The following ICA1 variants were observed in gnomAD, a reference collection of about 807,000 sequenced individuals.
The protein encoded by ICA1 is islet cell autoantigen 1.
In ICA1, 40 loss-of-function variants were observed where a neutral mutation model predicts 71.0. The observed-to-expected ratio is 0.56, with a 90% confidence interval of 0.44 to 0.73. The LOEUF (loss-of-function observed/expected upper bound fraction) is 0.73. Ranked by LOEUF, ICA1 falls within the 30% of genes least tolerant of loss-of-function variation. The pLI is 0.00. For missense variants in ICA1, 578 were observed against 576.5 expected, an observed-to-expected ratio of 1.00 and a Z score of -0.03; for synonymous variants, 207 against 209.5, an observed-to-expected ratio of 0.99 and a Z score of 0.10.
At chr7:8,233,639 G>T (rs532520559) in intron 2 of ICA1, among the ~76,000 whole-genome samples, 1 of 151,900 alleles carries the variant, frequency 6.6e-6, no homozygotes, top group Non-Finnish European at 1.5e-5. Context: ...CAGATGATCC[G>T]CCCTCCTCAG....
intron 6 of ICA1, among the ~76,000 whole-genome samples, chr7:8,168,335 G>C (rs1806929685): frequency 6.6e-6 from 1 of 152,026 alleles, no homozygotes; most frequent in African/African-American, 2.4e-5. Flanking sequence ...CCATTTATCA[G>C]ATACCACCTA....
At chr7:8,133,552 A>G (rs992843712) in intron 12 of ICA1, among the ~76,000 whole-genome samples, 1 of 152,230 alleles carries the variant, frequency 6.6e-6, no homozygotes, top group African/African-American at 2.4e-5. Flanking sequence ...CTTATAAATT[A>G]TCCAGGTGCC....
rs752291214 is a variant in ICA1 at position 8,158,569 on chromosome 7, C to T, written c.663G>A (p.Ala221=). The change falls in exon 7 of 14, where the codon GCG becomes GCA. Residue 221 remains alanine (A), a synonymous_variant. Transcript: ENST00000402384. Reference sequence around the variant, plus strand: ...TGTGAGACAAGAGATTGCATCTGCTCGCTCCAAGAAGATCCACTTTTTGAC... The same window carrying T: ...TGTGAGACAAGAGATTGCATCTGCTTGCTCCAAGAAGATCCACTTTTTGAC... ...DVCQKVDLLG[A]SRCNLLSHML... 9.3e-6 allele frequency: 15 copies of T among 1,614,052 alleles called. No homozygotes were observed. Among genetic ancestry groups the T allele is most frequent in the African/African-American group, 5.3e-5 (4 of 75,030 alleles).
At chr7:8,193,463 C>T (rs1272206883) in intron 6 of ICA1, among the ~76,000 whole-genome samples, 1 of 152,202 alleles carries the variant, frequency 6.6e-6, no homozygotes, top group Non-Finnish European at 1.5e-5. Context: ...AGTTTCAGAA[C>T]TGCTAACCTA....
At chr7:8,138,070 C>T in intron 12 of ICA1, among the ~76,000 whole-genome samples, 1 of 152,192 alleles carries the variant, frequency 6.6e-6, no homozygotes, top group East Asian at 1.9e-4. Context: ...ACTCTTGGTA[C>T]ATCATTAAAA....
At chr7:8,143,297 G>C (rs780852904) in intron 9 of ICA1, among the ~76,000 whole-genome samples, 1 of 152,190 alleles carries the variant, frequency 6.6e-6, no homozygotes, top group Non-Finnish European at 1.5e-5. Flanking sequence ...CTTTGTAAAG[G>C]GGCATGAAAT....
Position 8,123,087 on chromosome 7 carries a change from G to A in ICA1, c.1330+4786C>T, listed in dbSNP as rs1233202181. Among the ~76,000 whole-genome samples the A allele has an allele frequency of 6.6e-6, 1 of 152,134 alleles. No individual in the cohort carries two copies. The highest frequency in any genetic ancestry group is 1.5e-5 in the Non-Finnish European group (1 of 68,030). On this transcript the variant is annotated intron_variant, in intron 13 of 13. Coordinates refer to ENST00000402384, the MANE Select transcript of ICA1 (RefSeq NM_001136020.3). This position sits in a 1 kb window ranked among gnomAD's most constrained non-coding sequence, Gnocchi z 4.1. ...AATTTTCTCATCACTGCATGACAGA[G>A]GAACCCCCACACCTTACCATGCTGA...
At chr7:8,262,509 AC>A (rs1244066274), upstream of ICA1, 2 of 150,946 alleles carry the variant, frequency 1.3e-5, no homozygotes, top group Non-Finnish European at 3.0e-5. Context: ...TCTCTCCTCG[AC>A]CCCCATCTCC....
At position 8,123,796 on chromosome 7, in the gene ICA1, T is replaced by G. The variant is rs771109207; in HGVS notation, c.1330+4077A>C. Among the ~76,000 whole-genome samples, 14 of 152,172 alleles carry G rather than the reference T, an allele frequency of 9.2e-5. No individual in the cohort carries two copies. The highest frequency in any genetic ancestry group is 1.8e-4 in the Non-Finnish European group (12 of 68,032). ...AAGAGCCCCACTGGGAAATCCCTTT[T>G]GCTCTCAGAGACTGTACTGAGAGGC... is the stretch of plus-strand genomic sequence containing the variant. On this transcript the variant is annotated intron_variant, in intron 13 of 13. Coordinates refer to ENST00000402384, the MANE Select transcript of ICA1 (RefSeq NM_001136020.3). This position sits in a 1 kb window ranked among gnomAD's most constrained non-coding sequence, Gnocchi z 4.1.
intron 13 of ICA1, among the ~76,000 whole-genome samples, chr7:8,118,500 T>C (rs900910852): frequency 4.6e-5 from 7 of 152,168 alleles, no homozygotes. Context: ...TAAATTATAC[T>C]GCAATAAAAC....
chr7:8,229,048 T>C (rs1378483347), intron 3 of ICA1, among the ~76,000 whole-genome samples: 4 of 152,142 alleles, frequency 2.6e-5, no homozygotes, highest in Non-Finnish European at 1.5e-5. Context: ...TTTCACCACT[T>C]GCTGTGGTTT....
At chr7:8,118,885 C>T (rs1785678634) in intron 13 of ICA1, among the ~76,000 whole-genome samples, 1 of 152,130 alleles carries the variant, frequency 6.6e-6, no homozygotes, top group African/African-American at 2.4e-5. Flanking sequence ...CACCTATGTG[C>T]TGGTTAGAAA....
chr7:8,139,226 A>G (rs909260778), intron 10 of ICA1, among the ~76,000 whole-genome samples, 179 bp from the exon 11 acceptor site: 1 of 152,230 alleles, frequency 6.6e-6, no homozygotes, highest in African/African-American at 2.4e-5. Flanking sequence ...GAGAATGCCA[A>G]ATTAACAGCC....
At chr7:8,135,310 A>G (rs777435772) in intron 12 of ICA1, among the ~76,000 whole-genome samples, 25 of 152,148 alleles carry the variant, frequency 1.6e-4, no homozygotes, top group Non-Finnish European at 3.1e-4. Context: ...TACAAGTGTG[A>G]GCCACCGCGC....
chr7:8,164,439 G>A (rs1366013393), intron 6 of ICA1, among the ~76,000 whole-genome samples: 2 of 151,990 alleles, frequency 1.3e-5, no homozygotes, highest in African/African-American at 4.8e-5. Context: ...GGCAAAGCAG[G>A]CCCTGGTGAG....
In ICA1 at chr7:8,113,888, G is replaced by A; in HGVS notation, c.*35C>T. On this transcript the variant is annotated 3_prime_UTR_variant, in exon 14 of 14. Transcript: ENST00000402384. The surrounding 1 kb of genome is among the most constrained non-coding windows in gnomAD (Gnocchi z 4.2). The stretch of plus-strand genomic sequence containing the variant: ...GCTAGCCCCCAGGGGAGCTGCTGGG[G>A]GCGGCATGTGAGTGCCCTCCCGAAG... 1.2e-6 allele frequency: 2 copies of A among 1,613,022 alleles called. No individual in the cohort carries two copies. Among genetic ancestry groups the A allele is most frequent in the South Asian group, 1.1e-5 (1 of 91,004 alleles).
chr7:8,200,161 C>T (rs907549512), intron 6 of ICA1, among the ~76,000 whole-genome samples: 8 of 151,842 alleles, frequency 5.3e-5, no homozygotes, highest in African/African-American at 1.9e-4. Context: ...ATCAAAACAT[C>T]TCGGGTACCT....
intron 6 of ICA1, among the ~76,000 whole-genome samples, chr7:8,199,094 C>G (rs984892045): frequency 2.0e-5 from 3 of 152,140 alleles, no homozygotes; most frequent in Non-Finnish European, 4.4e-5. Context: ...CAGGCAATAA[C>G]AAATTCTGGC....
intron 4 of ICA1, among the ~76,000 whole-genome samples, 166 bp from the exon 5 acceptor site, chr7:8,221,564 C>G (rs547221307): frequency 5.9e-5 from 9 of 152,294 alleles, no homozygotes; most frequent in African/African-American, 1.7e-4. Flanking sequence ...CCCCATTTAA[C>G]TTTCAGGCTG....
Sources: allele counts gnomAD v4.1 joint callset (sites outside exome capture counted in the v4.1 genomes callset), GRCh38; gene constraint gnomAD v4.1.1; non-coding constraint Gnocchi (gnomAD v3.1); transcripts MANE v1.5; gene names NCBI Gene and HGNC (gene_info 2026-07-23, HGNC 2026-07-21).